Variants in SENP8 observed in about 807,000 individuals in gnomAD.
SENP8 encodes the protein sentrin-specific protease 8.
A neutral mutation model predicts 14.4 loss-of-function variants in SENP8; 10 were observed. The observed-to-expected ratio is 0.69, with a 90% CI of 0.43 to 1.18. SENP8 has a LOEUF of 1.18. Among genes scored for constraint, SENP8 ranks in the 50% most tolerant of loss-of-function variants. The pLI is 0.00. For missense variants in SENP8, 202 were observed against 249.4 expected (o/e 0.81, Z 1.28); for synonymous variants, 94 against 95.5 (o/e 0.98, Z 0.09).
intron 1 of SENP8, among the ~76,000 whole-genome samples, chr15:72,121,934 A>T (rs2081171791): frequency 6.6e-6 from 1 of 152,262 alleles, no homozygotes; most frequent in Non-Finnish European, 1.5e-5. Context: ...CTAATAAAGC[A>T]ATGGCCTTAC....
At chr15:72,115,154 G>A (rs1332496702), upstream of SENP8, among the ~76,000 whole-genome samples, 1 of 152,142 alleles carries the variant, frequency 6.6e-6, no homozygotes, top group Non-Finnish European at 1.5e-5. Flanking sequence ...GTTTTTTAAA[G>A]GCACTTAATC....
At position 72,139,609 on chromosome 15, in the gene SENP8, C is replaced by A. The variant is rs376823266; in HGVS notation, c.-15C>A. ...TCAGCTTCTGGAATTTCTGAGCAGC[C>A]CTCGTCAGTACAAGATGGACCCCGT... On this transcript the variant is annotated 5_prime_UTR_variant, in exon 2 of 2. Transcript: ENST00000340912. 71 of 1,603,706 alleles carry A rather than the reference C, an allele frequency of 4.4e-5. No homozygotes were observed. The Middle Eastern group carries it at 1.7e-3, about 38-fold the overall frequency.
chr15:72,127,642 T>C (rs1223106928), intron 1 of SENP8, among the ~76,000 whole-genome samples: 2 of 152,188 alleles, frequency 1.3e-5, no homozygotes, highest in African/African-American at 4.8e-5. Flanking sequence ...TAGAGACTCC[T>C]AAGCAGGGAA....
At chr15:72,118,957 G>C (rs1002919159) in intron 1 of SENP8, among the ~76,000 whole-genome samples, 3 of 152,158 alleles carry the variant, frequency 2.0e-5, no homozygotes, top group African/African-American at 7.2e-5. Context: ...CCAGTACCTG[G>C]TCAAAGAAAT....
At chr15:72,120,592 A>T (rs2081159026) in intron 1 of SENP8, among the ~76,000 whole-genome samples, 1 of 152,232 alleles carries the variant, frequency 6.6e-6, no homozygotes, top group Non-Finnish European at 1.5e-5. Context: ...TTATAGATTC[A>T]GTCTCAGAAA....
intron 1 of SENP8, among the ~76,000 whole-genome samples, chr15:72,123,870 A>G (rs1259979767): frequency 1.3e-5 from 2 of 152,198 alleles, no homozygotes; most frequent in Non-Finnish European, 2.9e-5. Context: ...TAGAAATGGT[A>G]GACCAGGAAT....
At chr15:72,135,222 C>T (rs1360129594) in intron 1 of SENP8, 19 of 177,416 alleles carry the variant, frequency 1.1e-4, no homozygotes, top group South Asian at 2.3e-4. Context: ...CCACCACGCC[C>T]GGCTAATTTT....
At chr15:72,116,543 G>A (rs765525075), upstream of SENP8, among the ~76,000 whole-genome samples, 1 of 152,010 alleles carries the variant, frequency 6.6e-6, no homozygotes, top group Non-Finnish European at 1.5e-5. Flanking sequence ...GGCAACAGAA[G>A]TTTATTATTA....
chr15:72,131,868 A>G (rs991252367), intron 1 of SENP8, among the ~76,000 whole-genome samples: 1 of 152,206 alleles, frequency 6.6e-6, no homozygotes, highest in African/African-American at 2.4e-5. Context: ...ATAAAGAGAC[A>G]AGTGCTTTAT....
chr15:72,127,215 G>A (rs911933811), intron 1 of SENP8, among the ~76,000 whole-genome samples: 1 of 152,008 alleles, frequency 6.6e-6, no homozygotes, highest in Non-Finnish European at 1.5e-5. Context: ...TTTTGGAGAG[G>A]GAAAGAGAAG....
At chr15:72,131,183 G>A (rs746419368) in intron 1 of SENP8, among the ~76,000 whole-genome samples, 1 of 152,120 alleles carries the variant, frequency 6.6e-6, no homozygotes, top group Non-Finnish European at 1.5e-5. Flanking sequence ...CAGCATGGGC[G>A]ACACAGCAAG....
At chr15:72,114,882 A>C (rs2080912331), upstream of SENP8, among the ~76,000 whole-genome samples, 1 of 152,240 alleles carries the variant, frequency 6.6e-6, no homozygotes, top group Non-Finnish European at 1.5e-5. Context: ...AAACCTTAAT[A>C]TTCTTGGCAA....
At chr15:72,118,096 G>C (rs2081073277), upstream of SENP8, 1 of 391,734 alleles carries the variant, frequency 2.6e-6, no homozygotes, top group Admixed American at 4.5e-5. Flanking sequence ...CCGACCCCGC[G>C]CACGCGGCCC....
At position 72,136,075 on chromosome 15, in the gene SENP8, A is replaced by G. The variant is rs548511169; in HGVS notation, c.-47-3502A>G. On this transcript the variant is annotated intron_variant, in intron 1 of 1. Transcript: ENST00000340912. ...CAAGCTGATTACCTAAACTCTGTCA[A>G]ATTGCTTTTGTTTGATTGATCTGTG... Among the ~76,000 whole-genome samples, 11 of 152,202 alleles carry G rather than the reference A, an allele frequency of 7.2e-5. 1 individual carries two copies. The highest frequency in any genetic ancestry group is 6.2e-4 in the South Asian group (3 of 4,828).
chr15:72,139,643 G>A lies in SENP8; in HGVS notation c.20G>A (p.Ser7Asn). 1 of 1,614,056 alleles carries A rather than the reference G, an allele frequency of 6.2e-7. No individual in the cohort carries two copies. Residue 7 changes from serine (S) to asparagine (N), a missense_variant, in exon 2 of 2, where the codon AGT (serine) becomes AAT (asparagine). Physicochemically the swap from Ser to Asn is conservative, Grantham distance 46. Transcript: ENST00000340912. MDPVVL[S>N]YMDSLLRQSD... ...TACAAGATGGACCCCGTAGTCTTGA[G>A]TTACATGGACAGTCTACTGCGGCAA...
upstream of SENP8, among the ~76,000 whole-genome samples, chr15:72,117,474 T>G (rs1198227263): frequency 6.6e-6 from 1 of 150,580 alleles, no homozygotes; most frequent in African/African-American, 2.5e-5. Context: ...AGGGCCGGAA[T>G]GGTGCCCGGC....
chr15:72,129,636 C>A (rs2140508250), intron 1 of SENP8, among the ~76,000 whole-genome samples: 1 of 150,640 alleles, frequency 6.6e-6, no homozygotes, highest in East Asian at 2.0e-4. Context: ...CTCGGCCTCC[C>A]AAAGTGCTGG....
At chr15:72,116,006 T>C (rs968454787), upstream of SENP8, among the ~76,000 whole-genome samples, 3 of 152,166 alleles carry the variant, frequency 2.0e-5, no homozygotes, top group African/African-American at 7.2e-5. Context: ...GGATGTAGTA[T>C]TAAGTAAAAA....
At chr15:72,123,237 C>A (rs749059703) in intron 1 of SENP8, among the ~76,000 whole-genome samples, 9 of 152,192 alleles carry the variant, frequency 5.9e-5, no homozygotes, top group Non-Finnish European at 1.3e-4. Context: ...CATGTGCTGA[C>A]CACAGTGATT....
Sources: gnomAD v4.1 joint callset for allele counts (sites outside exome capture counted in the v4.1 genomes callset) on GRCh38, gnomAD v4.1.1 for gene constraint, MANE v1.5 for transcripts, NCBI Gene and HGNC (gene_info 2026-07-23, HGNC 2026-07-21) for gene names.